UBR1: variants seen among roughly 807,000 people sequenced by gnomAD.
UBR1 encodes E3 ubiquitin-protein ligase UBR1.
A neutral mutation model predicts 242.1 loss-of-function variants in UBR1; 102 were observed. That is an observed-to-expected ratio of 0.42 (90% CI 0.36 to 0.50). UBR1 has a LOEUF of 0.50. UBR1 is among the 20% of genes least tolerant of loss of function. The pLI is 0.01. For missense variants in UBR1, 1,772 were observed against 2,101.8 expected (o/e 0.84, Z 3.07); for synonymous variants, 675 against 684.8 (o/e 0.99, Z 0.22).
At chr15:42,987,711 CAA>C (rs35169116) in intron 35 of UBR1, among the ~76,000 whole-genome samples, 663 of 54,568 alleles carry the variant, frequency 0.012, 2 homozygotes, top group African/African-American at 0.046. Context: ...GACTCTGTCT[CAA>C]AAAAAAAAAA....
At chr15:42,991,475 T>C (rs1046086659) in intron 33 of UBR1, among the ~76,000 whole-genome samples, 1 of 152,158 alleles carries the variant, frequency 6.6e-6, no homozygotes, top group African/African-American at 2.4e-5. Context: ...TGAGATTTAC[T>C]GAACTTCTTG....
At position 42,976,858 on chromosome 15, in the gene UBR1, C is replaced by T. The variant is rs952328172; in HGVS notation, c.4228G>A (p.Val1410Met). ...CAATACAAGGATGGGAATGCTAACA[C>T]AGCACCCACCTATGAGAGAAAAATG... ...IDLFHVLVGA[V>M]LAFPSLYWDD... Residue 1410 changes from valine (V) to methionine (M), a missense_variant, in exon 39 of 47, where the codon GTG (valine) becomes ATG (methionine). Val to Met is a conservative substitution (Grantham distance 21, BLOSUM62 1). Coordinates refer to ENST00000290650, the MANE Select transcript of UBR1 (RefSeq NM_174916.3). 6.2e-7 allele frequency: 1 copy of T among 1,613,624 alleles called. No individual in the cohort carries two copies. Among genetic ancestry groups the T allele is most frequent in the African/African-American group, 1.3e-5 (1 of 74,988 alleles).
At chr15:43,002,508 C>A in intron 32 of UBR1, 47 bp downstream of exon 32, 1 of 1,592,512 alleles carries the variant, frequency 6.3e-7, no homozygotes, top group Non-Finnish European at 8.6e-7. Flanking sequence ...GGCCACTGCA[C>A]CTGGCCAACT....
intron 27 of UBR1, chr15:43,020,974 A>G: frequency 3.3e-6 from 1 of 306,176 alleles, no homozygotes; most frequent in Non-Finnish European, 6.2e-6. Flanking sequence ...ACTGGAGTAT[A>G]TGTTCCATGA....
In UBR1 at chr15:43,008,228, C is replaced by T. The variant is rs2032863591; in HGVS notation, c.3210-944G>A. ...GGTTGGGAACAGGAGGGAACCCCAC[C>T]CCTTCCAAGTTTGCAGGGCAGAAGC... On this transcript the variant is annotated intron_variant, in intron 29 of 46. Transcript: ENST00000290650. 2.0e-5 allele frequency among the ~76,000 whole-genome samples: 3 copies of T among 152,262 alleles called. No homozygotes were observed. In the South Asian group the frequency reaches 6.2e-4, roughly 31 times the overall value.
rs149527339 is a variant in UBR1, at chr15:43,062,197, A to C, written c.799-2083T>G. ...AACGGACTTTTGTGTATCCATGTTCATAAGAGCATTATCCACAATAGCAGA... is the reference window on the plus strand; with the variant it reads ...AACGGACTTTTGTGTATCCATGTTCCTAAGAGCATTATCCACAATAGCAGA... On this transcript the variant is annotated intron_variant, in intron 6 of 46. Transcript: ENST00000290650. Among the ~76,000 whole-genome samples, 846 of 152,338 alleles carry C rather than the reference A, an allele frequency of 5.6e-3. 7 individuals carry two copies. The highest frequency in any genetic ancestry group is 0.019 in the African/African-American group (808 of 41,584).
intron 18 of UBR1, 70 bp from the exon 19 acceptor site, chr15:43,036,349 G>T: frequency 6.9e-7 from 1 of 1,446,610 alleles, no homozygotes; most frequent in Non-Finnish European, 9.7e-7. Context: ...ATGTAGGACT[G>T]TCAAAAATTA....
intron 25 of UBR1, 146 bp downstream of exon 25, chr15:43,024,683 T>C: frequency 2.7e-6 from 3 of 1,099,776 alleles, no homozygotes; most frequent in African/African-American, 3.1e-5. Flanking sequence ...CTAAAAAAAA[T>C]TTGTGCTGTG....
At chr15:43,016,797 G>A (rs2033031124) in intron 28 of UBR1, among the ~76,000 whole-genome samples, 2 of 152,130 alleles carry the variant, frequency 1.3e-5, no homozygotes, top group South Asian at 4.1e-4. Context: ...GGCTGGTCTT[G>A]AACTCCCGAC....
chr15:43,047,274 G>A lies in UBR1; in HGVS notation c.1555C>T (p.Arg519Ter). 1.2e-6 allele frequency: 2 copies of A among 1,614,024 alleles called. No individual in the cohort carries two copies. Among genetic ancestry groups the A allele is most frequent in the Non-Finnish European group, 1.7e-6 (2 of 1,179,988 alleles). Residue 519 changes from arginine (R) to a stop codon, truncating the protein, a stop_gained, in exon 14 of 47, where the codon CGA becomes TGA. Transcript: ENST00000290650. LOFTEE classifies it high-confidence loss of function. ...LTCMQGMEEI[R>*]RQVGQHIEVD... Reference sequence around the variant, plus strand: ...TCAATGTGTTGCCCAACCTGTCTTCGGATTTCTTCCATTCCCTGCAATTAC... The same window carrying A: ...TCAATGTGTTGCCCAACCTGTCTTCAGATTTCTTCCATTCCCTGCAATTAC...
rs1422405222 is a variant in UBR1 at position 43,003,879 on chromosome 15, G to A, written c.3467C>T (p.Thr1156Ile). The change falls in exon 31 of 47, where the codon ACA becomes ATA. Residue 1156 changes from threonine (T) to isoleucine (I), a missense_variant. Physicochemically the swap from Thr to Ile is moderately conservative, Grantham distance 89. Coordinates refer to ENST00000290650, the MANE Select transcript of UBR1 (RefSeq NM_174916.3). Reference protein sequence around the residue: ...MDPDLAYGTYTGSCGHVMHAV... With the variant: ...MDPDLAYGTYIGSCGHVMHAV... ...GTGCATTACATGACCACAGCTTCCTGTATAAGTTCCATATGCCAAGTCTGG... is the reference window on the plus strand; with the variant it reads ...GTGCATTACATGACCACAGCTTCCTATATAAGTTCCATATGCCAAGTCTGG... The A allele has an allele frequency of 6.2e-7, 1 of 1,614,090 alleles. No individual in the cohort carries two copies. Among genetic ancestry groups the A allele is most frequent in the Non-Finnish European group, 8.5e-7 (1 of 1,180,008 alleles).
Position 43,068,742 on chromosome 15 carries a change from T to C in UBR1, c.660-706A>G, listed in dbSNP as rs111348453. ...TTTAAGTGATTCTCCTGTCTCAGCC[T>C]CCTGAGTAGCTGGGATTACAGGTGC... On this transcript the variant is annotated intron_variant, in intron 5 of 46. Transcript: ENST00000290650. Among the ~76,000 whole-genome samples, 860 of 152,246 alleles carry C rather than the reference T, an allele frequency of 5.6e-3. 13 individuals carry two copies. Among genetic ancestry groups the C allele is most frequent in the African/African-American group, 0.02 (841 of 41,554 alleles).
intron 33 of UBR1, among the ~76,000 whole-genome samples, chr15:42,996,662 T>C (rs1172671464): frequency 6.6e-6 from 1 of 152,108 alleles, no homozygotes; most frequent in Non-Finnish European, 1.5e-5. Flanking sequence ...TGATGAGAAA[T>C]AAAACCATCA....
At chr15:43,029,266 T>C (rs2033222572) in intron 21 of UBR1, among the ~76,000 whole-genome samples, 1 of 152,216 alleles carries the variant, frequency 6.6e-6, no homozygotes, top group Non-Finnish European at 1.5e-5. Flanking sequence ...TCTGTAGGAC[T>C]ATTACCACAG....
At chr15:43,032,947 G>A (rs1456488633) in intron 19 of UBR1, among the ~76,000 whole-genome samples, 1 of 152,148 alleles carries the variant, frequency 6.6e-6, no homozygotes, top group Non-Finnish European at 1.5e-5. Flanking sequence ...CTGCGTTAGT[G>A]AGAAAGTGCC....
chr15:43,093,133 C>CCCAAACATT (rs753603625), intron 1 of UBR1, among the ~76,000 whole-genome samples: 10 of 152,142 alleles, frequency 6.6e-5, no homozygotes, highest in Non-Finnish European at 1.3e-4. Context: ...CATTAAAATT[C>CCCAAACATT]CCAAACATTC....
intron 33 of UBR1, among the ~76,000 whole-genome samples, chr15:42,997,600 G>C (rs959033374): frequency 6.6e-6 from 1 of 152,156 alleles, no homozygotes; most frequent in Non-Finnish European, 1.5e-5. Flanking sequence ...CAACTGTAAA[G>C]AATATGTAAA....
chr15:43,063,358 T>C (rs1407912557), intron 6 of UBR1, among the ~76,000 whole-genome samples: 1 of 152,248 alleles, frequency 6.6e-6, no homozygotes, highest in Non-Finnish European at 1.5e-5. Flanking sequence ...ATTCTTCTCC[T>C]GGGACACTGG....
chr15:42,972,369 TA>T (rs1180172378), intron 39 of UBR1, among the ~76,000 whole-genome samples: 4 of 152,146 alleles, frequency 2.6e-5, no homozygotes, highest in African/African-American at 4.8e-5. Flanking sequence ...TTCTTCTTTT[TA>T]TTTTTTTTAT....
Sources: allele counts gnomAD v4.1 joint callset (sites outside exome capture counted in the v4.1 genomes callset), GRCh38; gene constraint gnomAD v4.1.1; transcripts MANE v1.5; gene names NCBI Gene and HGNC (gene_info 2026-07-23, HGNC 2026-07-21).